Variants in TRIM67 observed in about 807,000 individuals in gnomAD.
TRIM67 encodes the protein tripartite motif containing 67, also known as tripartite motif-containing protein 67.
A neutral mutation model predicts 71.0 loss-of-function variants in TRIM67; 39 were observed. That is an observed-to-expected ratio of 0.55 (90% CI 0.43 to 0.72). TRIM67 has a LOEUF of 0.72. Ranked by LOEUF, TRIM67 falls within the 30% of genes least tolerant of loss-of-function variation. TRIM67 has a pLI of 0.00. For missense variants in TRIM67, 973 were observed against 1,079.2 expected, an observed-to-expected ratio of 0.90 and a Z score of 1.38; for synonymous variants, 481 against 473.9, an observed-to-expected ratio of 1.01 and a Z score of -0.19.
At chr1:231,182,728 T>C (rs1682940036) in intron 1 of TRIM67, among the ~76,000 whole-genome samples, 1 of 152,156 alleles carries the variant, frequency 6.6e-6, no homozygotes, top group Non-Finnish European at 1.5e-5. Flanking sequence ...CAGCAGGAAC[T>C]GACAAGCCCA....
At chr1:231,199,341 T>A (rs185916235) in intron 3 of TRIM67, among the ~76,000 whole-genome samples, 172 bp downstream of exon 3, 15 of 152,350 alleles carry the variant, frequency 9.8e-5, no homozygotes, top group African/African-American at 3.6e-4. Context: ...TACATTCATG[T>A]GACCTGACAG....
At chr1:231,206,905 G>T in intron 7 of TRIM67, 115 bp downstream of exon 7, 2 of 1,180,692 alleles carry the variant, frequency 1.7e-6, no homozygotes, top group South Asian at 3.5e-5. Context: ...GTGGTGCTGG[G>T]CACGGCTGGG....
intron 1 of TRIM67, among the ~76,000 whole-genome samples, chr1:231,196,795 G>A (rs1238651691): frequency 6.6e-6 from 1 of 152,174 alleles, no homozygotes; most frequent in Non-Finnish European, 1.5e-5. Context: ...AGTCCCCAGG[G>A]CTAAGGGTAC....
chr1:231,163,126 C>T lies in TRIM67; in HGVS notation c.157C>T (p.Arg53Trp), dbSNP rs774507316. The change falls in exon 1 of 10, where the codon CGG (arginine) becomes TGG (tryptophan). Residue 53 changes from arginine to tryptophan, a missense_variant. Transcript: ENST00000366653. The stretch of plus-strand genomic sequence containing the variant: ...CCTGCCCCAGCCGCTCCTGCTTTCC[C>T]GGGGATCGGGGCTGCAGGCGGGCGC... ...QHLPQPLLLS[R>W]GSGLQAGAAA... 2 of 1,551,402 alleles carry T rather than the reference C, an allele frequency of 1.3e-6. No individual in the cohort carries two copies. The highest frequency in any genetic ancestry group is 2.4e-5 in the South Asian group (2 of 84,546).
intron 1 of TRIM67, among the ~76,000 whole-genome samples, chr1:231,164,427 G>A (rs2102708312): frequency 6.6e-6 from 1 of 152,240 alleles, no homozygotes; most frequent in Middle Eastern, 3.4e-3. Flanking sequence ...CTGGCAATGT[G>A]TCCTTGTATC....
Position 231,216,671 on chromosome 1 carries a change from C to A in TRIM67, c.*1231C>A. The stretch of plus-strand genomic sequence containing the variant: ...GAAATAGAAGGGCAGTATCAGGTAC[C>A]TTGTCTCCCAGCTTCCCACTGTGAG... On this transcript the variant is annotated 3_prime_UTR_variant, in exon 10 of 10. Coordinates refer to ENST00000366653, the MANE Select transcript of TRIM67 (RefSeq NM_001004342.5). 1 of 985,566 alleles carries A rather than the reference C, an allele frequency of 1.0e-6. No homozygotes were observed. The highest frequency in any genetic ancestry group is 4.7e-5 in the South Asian group (1 of 21,292). 61.1% of individuals were successfully genotyped at this position (985,566 alleles called of 1,614,324 possible). A position where few individuals can be genotyped will look rare whatever the true frequency, so the allele number is the denominator to read the frequency against.
rs541283660 is a variant in TRIM67, at chr1:231,164,859, T to A, written c.1044+846T>A. On this transcript the variant is annotated intron_variant, in intron 1 of 9. Transcript: ENST00000366653. ...TAACCATTCCTATATAGATTTGTTGTTCATATATAGTTACTCTATAGTATT... is the reference window on the plus strand; with the variant it reads ...TAACCATTCCTATATAGATTTGTTGATCATATATAGTTACTCTATAGTATT... Among the ~76,000 whole-genome samples, 13 of 152,368 alleles carry A rather than the reference T, an allele frequency of 8.5e-5. No homozygotes were observed. In the East Asian group the frequency reaches 2.5e-3, roughly 29 times the overall value.
chr1:231,164,150 A>G, intron 1 of TRIM67, 137 bp downstream of exon 1: 1 of 1,119,434 alleles, frequency 8.9e-7, no homozygotes, highest in Non-Finnish European at 1.2e-6. Context: ...TTAGCCATTC[A>G]TTCCATCAGA....
chr1:231,219,515 G>A lies in TRIM67; in HGVS notation c.*4075G>A. The A allele has an allele frequency of 1.9e-6, 2 of 1,072,130 alleles. No individual in the cohort carries two copies. Among genetic ancestry groups the A allele is most frequent in the Non-Finnish European group, 2.3e-6 (2 of 882,286 alleles). 66.4% of individuals were successfully genotyped at this position (1,072,130 alleles called of 1,614,324 possible). On this transcript the variant is annotated 3_prime_UTR_variant, in exon 10 of 10. Coordinates refer to ENST00000366653, the MANE Select transcript of TRIM67 (RefSeq NM_001004342.5). ...CCATGTGTCTTCAGGGGGCAGGTAG[G>A]GGAAAATGGGGTGAGCCACCTCCAA...
intron 1 of TRIM67, among the ~76,000 whole-genome samples, chr1:231,167,041 G>C (rs573386789): frequency 1.3e-5 from 2 of 152,272 alleles, no homozygotes; most frequent in African/African-American, 4.8e-5. Context: ...CCTCACTCAG[G>C]GAGAACTCTG....
chr1:231,212,868 A>G (rs963135599), intron 8 of TRIM67, among the ~76,000 whole-genome samples: 1 of 152,126 alleles, frequency 6.6e-6, no homozygotes, highest in Non-Finnish European at 1.5e-5. Flanking sequence ...CTTACCACCT[A>G]CAAAGTACGA....
rs920347552 is a variant in TRIM67 at position 231,209,767 on chromosome 1, T to A, written c.2123+517T>A. Among the ~76,000 whole-genome samples the A allele has an allele frequency of 3.9e-5, 6 of 151,996 alleles. No individual in the cohort carries two copies. The highest frequency in any genetic ancestry group is 1.2e-4 in the African/African-American group (5 of 41,386). On this transcript the variant is annotated intron_variant, in intron 8 of 9. Transcript: ENST00000366653. This position sits in a 1 kb window ranked among gnomAD's most constrained non-coding sequence, Gnocchi z 4.1. ...GCAGTAGCAGAGGGCATGGCTGGGG[T>A]GCTCACTACTAACGAGCCTGCCAAG...
In TRIM67 at chr1:231,218,687, T is replaced by C. The variant is rs1371752021; in HGVS notation, c.*3247T>C. The C allele has an allele frequency of 1.0e-6, 1 of 985,320 alleles. No homozygotes were observed. The highest frequency in any genetic ancestry group is 1.2e-6 in the Non-Finnish European group (1 of 829,946). The allele number at this position is 985,320 out of a possible 1,614,324, so 61.0% of individuals were successfully genotyped here. A position where few individuals can be genotyped will look rare whatever the true frequency, so the allele number is the denominator to read the frequency against. ...AACTGACCTAAACACTATAAAACTG[T>C]ATATATTTCCAGGCTGCATCTTCAG... On this transcript the variant is annotated 3_prime_UTR_variant, in exon 10 of 10. Coordinates refer to ENST00000366653, the MANE Select transcript of TRIM67 (RefSeq NM_001004342.5).
At chr1:231,207,906 A>T (rs1683750355) in intron 7 of TRIM67, among the ~76,000 whole-genome samples, 1 of 152,076 alleles carries the variant, frequency 6.6e-6, no homozygotes, top group Non-Finnish European at 1.5e-5. Context: ...TGGGCTGCAA[A>T]ATGGAGAATT....
In TRIM67 at chr1:231,218,045, C is replaced by T; in HGVS notation, c.*2605C>T. 8.6e-7 allele frequency: 1 copy of T among 1,164,752 alleles called. No individual in the cohort carries two copies. The highest frequency in any genetic ancestry group is 1.1e-6 in the Non-Finnish European group (1 of 926,926). 72.2% of individuals were successfully genotyped at this position (1,164,752 alleles called of 1,614,324 possible). A position where few individuals can be genotyped will look rare whatever the true frequency, so the allele number is the denominator to read the frequency against. The stretch of plus-strand genomic sequence containing the variant: ...ATCCAGCTCTCCTTCACAGACACCT[C>T]TCCTGTCTTCAGCACAAAACACCTT... On this transcript the variant is annotated 3_prime_UTR_variant, in exon 10 of 10. Coordinates refer to ENST00000366653, the MANE Select transcript of TRIM67 (RefSeq NM_001004342.5).
At chr1:231,190,373 C>T (rs952026593) in intron 1 of TRIM67, among the ~76,000 whole-genome samples, 1 of 152,178 alleles carries the variant, frequency 6.6e-6, no homozygotes, top group African/African-American at 2.4e-5. Flanking sequence ...CTTAGCGACA[C>T]AAACACAGGG....
intron 1 of TRIM67, among the ~76,000 whole-genome samples, chr1:231,190,738 C>CCTGGGAGCGGA (rs1257972722): frequency 6.6e-6 from 1 of 152,176 alleles, no homozygotes; most frequent in East Asian, 1.9e-4. Flanking sequence ...GGGACTGGAT[C>CCTGGGAGCGGA]CTGGGAGCGG....
At chr1:231,183,675 G>A (rs1186543370) in intron 1 of TRIM67, among the ~76,000 whole-genome samples, 4 of 152,098 alleles carry the variant, frequency 2.6e-5, no homozygotes, top group East Asian at 1.9e-4. Flanking sequence ...GAATCAATAC[G>A]AACTTTGAGA....
Position 231,219,272 on chromosome 1 carries a change from A to G in TRIM67, c.*3832A>G. 2.0e-6 allele frequency: 2 copies of G among 979,450 alleles called. No homozygotes were observed. The highest frequency in any genetic ancestry group is 2.4e-6 in the Non-Finnish European group (2 of 824,226). 60.7% of individuals were successfully genotyped at this position (979,450 alleles called of 1,614,324 possible). A position where few individuals can be genotyped will look rare whatever the true frequency, so the allele number is the denominator to read the frequency against. On this transcript the variant is annotated 3_prime_UTR_variant, in exon 10 of 10. Transcript: ENST00000366653. ...TGGTCTCTACCCATCATCTGCCAGT[A>G]GCAACCCCCAAGTTAGGTGTGACAA...
Sources: allele counts gnomAD v4.1 joint callset (sites outside exome capture counted in the v4.1 genomes callset), GRCh38; gene constraint gnomAD v4.1.1; non-coding constraint Gnocchi (gnomAD v3.1); transcripts MANE v1.5; gene names NCBI Gene and HGNC (gene_info 2026-07-23, HGNC 2026-07-21).